Variants in CADM2 observed in about 807,000 individuals in gnomAD.
The protein encoded by CADM2 is cell adhesion molecule 2, also known as immunoglobulin superfamily member 4D.
In CADM2, 12 loss-of-function variants were observed where a neutral mutation model predicts 49.8. The ratio of observed to expected loss-of-function variants is 0.24; its 90% CI spans 0.15 to 0.39. The LOEUF is 0.39. Among genes scored for constraint, CADM2 ranks in the 10% least tolerant of loss-of-function variants. CADM2 has a pLI of 1.00. For missense variants in CADM2, 378 were observed against 492.3 expected (o/e 0.77, Z 2.20); for synonymous variants, 214 against 175.4 (o/e 1.22, Z -1.74).
At chr3:85,074,029 T>A (rs1228061848) in intron 1 of CADM2, among the ~76,000 whole-genome samples, 3 of 152,108 alleles carry the variant, frequency 2.0e-5, no homozygotes, top group Non-Finnish European at 2.9e-5. Context: ...TTAAAAAAAA[T>A]TCCCGGTTGC....
At chr3:85,838,279 C>G (rs2074489439) in intron 3 of CADM2, among the ~76,000 whole-genome samples, 1 of 151,696 alleles carries the variant, frequency 6.6e-6, no homozygotes, top group Non-Finnish European at 1.5e-5. Flanking sequence ...GTCAAGACCA[C>G]CTACATAAAC....
At chr3:85,431,786 G>A (rs1335355064) in intron 1 of CADM2, among the ~76,000 whole-genome samples, 2 of 135,364 alleles carry the variant, frequency 1.5e-5, no homozygotes, top group Non-Finnish European at 3.2e-5. Flanking sequence ...TATTGAGAGG[G>A]GAAAAAAAAG....
At chr3:84,988,952 G>T (rs1003819737) in intron 1 of CADM2, among the ~76,000 whole-genome samples, 1 of 152,084 alleles carries the variant, frequency 6.6e-6, no homozygotes, top group Admixed American at 6.5e-5. Context: ...AACATCTGCT[G>T]TGTTCTAGAT....
At chr3:85,685,979 A>G (rs2066202198) in intron 1 of CADM2, among the ~76,000 whole-genome samples, 1 of 152,194 alleles carries the variant, frequency 6.6e-6, no homozygotes, top group Non-Finnish European at 1.5e-5. Context: ...TAAACAATCA[A>G]ATGATTTTAC....
intron 1 of CADM2, among the ~76,000 whole-genome samples, chr3:85,048,328 A>G (rs2035746262): frequency 1.3e-5 from 2 of 152,180 alleles, no homozygotes; most frequent in African/African-American, 4.8e-5. Flanking sequence ...AATTTGAGAG[A>G]CAGCATAAAG....
intron 8 of CADM2, among the ~76,000 whole-genome samples, chr3:86,064,318 C>G (rs149440270): frequency 0.031 from 4,691 of 151,944 alleles, 139 homozygotes; most frequent in African/African-American, 0.072. Context: ...GGTTTTTTGT[C>G]CTTGCGATAG....
chr3:85,892,785 C>G (rs1410564421), intron 5 of CADM2, among the ~76,000 whole-genome samples: 1 of 152,140 alleles, frequency 6.6e-6, no homozygotes, highest in Non-Finnish European at 1.5e-5. Flanking sequence ...GTGGAGGCGA[C>G]TCTGAAACTG....
At chr3:85,849,173 G>A (rs1024236223) in intron 3 of CADM2, among the ~76,000 whole-genome samples, 2 of 152,108 alleles carry the variant, frequency 1.3e-5, no homozygotes, top group African/African-American at 4.8e-5. Context: ...TTACATAAAT[G>A]TGAGCCAAAT....
chr3:85,558,615 G>T (rs965929865), intron 1 of CADM2, among the ~76,000 whole-genome samples: 11 of 151,830 alleles, frequency 7.2e-5, no homozygotes, highest in Non-Finnish European at 1.5e-4. Flanking sequence ...TGTGAATATT[G>T]GTACATTATA....
At chr3:85,749,182 C>A (rs1279750477) in intron 2 of CADM2, among the ~76,000 whole-genome samples, 2 of 151,622 alleles carry the variant, frequency 1.3e-5, no homozygotes, top group African/African-American at 4.9e-5. Flanking sequence ...ATACCATATA[C>A]AAAACAAACA....
intron 1 of CADM2, among the ~76,000 whole-genome samples, chr3:85,585,767 G>C (rs1238614742): frequency 1.3e-5 from 2 of 151,916 alleles, no homozygotes; most frequent in African/African-American, 4.8e-5. Flanking sequence ...GGAGAAATAG[G>C]CTTGGTCCCT....
chr3:85,024,612 T>A (rs1001516074), intron 1 of CADM2, among the ~76,000 whole-genome samples: 6 of 151,936 alleles, frequency 3.9e-5, no homozygotes, highest in African/African-American at 1.4e-4. Flanking sequence ...ATTTATGAGA[T>A]GTTACTATGA....
At chr3:85,815,992 A>G (rs1429633772) in intron 3 of CADM2, among the ~76,000 whole-genome samples, 2 of 152,196 alleles carry the variant, frequency 1.3e-5, no homozygotes, top group Non-Finnish European at 2.9e-5. Flanking sequence ...TCTTAACAAT[A>G]TCAAAAAACT....
At chr3:85,456,254 A>G (rs1019588144) in intron 1 of CADM2, among the ~76,000 whole-genome samples, 1 of 152,178 alleles carries the variant, frequency 6.6e-6, no homozygotes, top group Admixed American at 6.5e-5. Context: ...GAGACAATTG[A>G]TATCTGAGAT....
chr3:85,154,176 A>G (rs1299158920), intron 1 of CADM2, among the ~76,000 whole-genome samples: 1 of 152,198 alleles, frequency 6.6e-6, no homozygotes, highest in East Asian at 1.9e-4. Context: ...AAGGCAAAGA[A>G]GTTGAAAACT....
At chr3:85,846,399 A>T (rs1670031724) in intron 3 of CADM2, among the ~76,000 whole-genome samples, 1 of 151,916 alleles carries the variant, frequency 6.6e-6, no homozygotes, top group African/African-American at 2.4e-5. Flanking sequence ...GAAGAGGTAG[A>T]TTTTTTTTGT....
intron 1 of CADM2, among the ~76,000 whole-genome samples, chr3:85,699,155 G>C (rs554752764): frequency 1.3e-5 from 2 of 152,088 alleles, no homozygotes; most frequent in African/African-American, 4.8e-5. Flanking sequence ...TCCATGACAC[G>C]CTGGTGCAAG....
chr3:85,595,581 G>A (rs76125709), intron 1 of CADM2, among the ~76,000 whole-genome samples: 12,244 of 151,940 alleles, frequency 0.081, 953 homozygotes, highest in African/African-American at 0.18. Flanking sequence ...TTCTTAAAAG[G>A]TGGGTGCAAA....
chr3:85,278,927 A>T (rs759487523), intron 1 of CADM2, among the ~76,000 whole-genome samples: 5 of 151,496 alleles, frequency 3.3e-5, no homozygotes, highest in Non-Finnish European at 7.4e-5. Flanking sequence ...AACCATACTG[A>T]TCTGTGATTT....
Sources: allele counts gnomAD v4.1 joint callset (sites outside exome capture counted in the v4.1 genomes callset), GRCh38; gene constraint gnomAD v4.1.1; transcripts MANE v1.5; gene names NCBI Gene and HGNC (gene_info 2026-07-23, HGNC 2026-07-21).